The following CFAP58 variants were observed in gnomAD, a reference collection of about 807,000 sequenced individuals.
CFAP58 encodes cilia- and flagella-associated protein 58.
In CFAP58, 88 loss-of-function variants were observed where a neutral mutation model predicts 119.5. The observed-to-expected ratio is 0.74, with a 90% CI of 0.62 to 0.88. CFAP58 has a LOEUF of 0.88. Ranked by LOEUF, CFAP58 falls within the 40% of genes least tolerant of loss-of-function variation. The pLI, the probability that CFAP58 is intolerant of heterozygous loss-of-function variation, is 0.00. For synonymous variants in CFAP58, 365 were observed against 366.3 expected (o/e 1.00, Z 0.04); for missense variants, 990 against 1,021.2 (o/e 0.97, Z 0.42).
intron 11 of CFAP58, 46 bp downstream of exon 11, chr10:104,393,521 C>A: frequency 7.1e-6 from 11 of 1,557,446 alleles, no homozygotes; most frequent in Non-Finnish European, 9.6e-6. Context: ...TTCATCAGCC[C>A]GCTCAGGCGG....
chr10:104,421,075 A>G (rs1451379495), intron 15 of CFAP58, among the ~76,000 whole-genome samples: 2 of 152,130 alleles, frequency 1.3e-5, no homozygotes, highest in Non-Finnish European at 2.9e-5. Flanking sequence ...TTTTCATCTC[A>G]ATTTTAAGAT....
chr10:104,355,344 A>T (rs1038102492), intron 1 of CFAP58, among the ~76,000 whole-genome samples: 3 of 152,170 alleles, frequency 2.0e-5, no homozygotes, highest in Admixed American at 6.5e-5. Context: ...CCTATTCAGG[A>T]TATATTTGCA....
chr10:104,361,123 A>C (rs2014660614), intron 2 of CFAP58, among the ~76,000 whole-genome samples: 1 of 152,242 alleles, frequency 6.6e-6, no homozygotes, highest in Admixed American at 6.5e-5. Context: ...GGGCAGGGAC[A>C]TACATCCAAA....
intron 9 of CFAP58, among the ~76,000 whole-genome samples, chr10:104,385,305 G>A (rs2011900788): frequency 6.6e-6 from 1 of 152,150 alleles, no homozygotes; most frequent in Non-Finnish European, 1.5e-5. Context: ...ACTTATTGTT[G>A]TTGTAAAGGA....
chr10:104,419,887 A>T (rs1397335928), intron 15 of CFAP58, among the ~76,000 whole-genome samples: 1 of 152,230 alleles, frequency 6.6e-6, no homozygotes, highest in Non-Finnish European at 1.5e-5. Flanking sequence ...AGTTGGCAAG[A>T]CTATGATGGT....
chr10:104,379,786 G>A (rs141239980), intron 8 of CFAP58, among the ~76,000 whole-genome samples: 74 of 152,264 alleles, frequency 4.9e-4, no homozygotes, highest in African/African-American at 1.7e-3. Context: ...CCTCTAAAAT[G>A]GGGCAATATG....
chr10:104,422,071 C>T (rs181596387), intron 15 of CFAP58, among the ~76,000 whole-genome samples: 145 of 152,224 alleles, frequency 9.5e-4, no homozygotes, highest in African/African-American at 3.4e-3. Flanking sequence ...CCTGTAGTCC[C>T]AGCTACTTGG....
chr10:104,403,868 T>A, intron 14 of CFAP58, 28 bp downstream of exon 14: 1 of 1,418,378 alleles, frequency 7.1e-7, no homozygotes, highest in Non-Finnish European at 9.9e-7. Flanking sequence ...GTTCTCCCCA[T>A]CCCCAAATCT....
chr10:104,400,845 A>C lies in CFAP58; in HGVS notation c.1981A>C (p.Lys661Gln), dbSNP rs1342024736. ...DMRILRLEIK[K>Q]LRREKGILAR... is the part of the protein sequence containing the mutation. ...GAGAATCCTCAGACTTGAGATCAAG[A>C]AGCTTCGCCGGGAAAAGGGGATTCT... The change falls in exon 13 of 18, where the codon AAG becomes CAG. Residue 661 changes from lysine to glutamine, a missense_variant. Physicochemically the swap from Lys to Gln is moderately conservative, Grantham distance 53. Transcript: ENST00000369704. 1 of 1,614,072 alleles carries C rather than the reference A, an allele frequency of 6.2e-7. No homozygotes were observed. Among genetic ancestry groups the C allele is most frequent in the Admixed American group, 1.7e-5 (1 of 60,006 alleles).
At chr10:104,415,523 C>G (rs2012537403) in intron 15 of CFAP58, among the ~76,000 whole-genome samples, 1 of 152,164 alleles carries the variant, frequency 6.6e-6, no homozygotes, top group Admixed American at 6.5e-5. Context: ...GGCGGAAACG[C>G]TGACACCCAT....
intron 1 of CFAP58, among the ~76,000 whole-genome samples, chr10:104,357,850 CATATATACACATATAT>C (rs1427052211): frequency 6.6e-5 from 3 of 45,654 alleles, no homozygotes; most frequent in African/African-American, 1.8e-4. Flanking sequence ...CATATGTACA[CATATATACACATATAT>C]ACACATATAT....
chr10:104,407,823 A>G (rs1333555464), intron 15 of CFAP58, among the ~76,000 whole-genome samples: 1 of 152,090 alleles, frequency 6.6e-6, no homozygotes, highest in East Asian at 1.9e-4. Flanking sequence ...CAGCCTCCCA[A>G]GTAGCTGGGG....
intron 15 of CFAP58, among the ~76,000 whole-genome samples, chr10:104,419,300 T>G (rs2012615173): frequency 6.6e-6 from 1 of 152,084 alleles, no homozygotes; most frequent in Non-Finnish European, 1.5e-5. Flanking sequence ...AGTATGAACA[T>G]TCTCAGAGGG....
intron 5 of CFAP58, among the ~76,000 whole-genome samples, chr10:104,366,321 G>A (rs1386669521): frequency 1.3e-5 from 2 of 151,952 alleles, no homozygotes; most frequent in South Asian, 4.1e-4. Flanking sequence ...CCACTCAACC[G>A]CATCTTGGTC....
At chr10:104,347,338 A>G in the CFAP58 span, among the ~76,000 whole-genome samples, 2 of 152,076 alleles carry the variant, frequency 1.3e-5, no homozygotes, top group Admixed American at 1.3e-4. Flanking sequence ...CAAATGCTCA[A>G]CAAATGTTCT....
chr10:104,404,811 G>A (rs949264545), intron 14 of CFAP58, among the ~76,000 whole-genome samples: 6 of 152,176 alleles, frequency 3.9e-5, no homozygotes, highest in African/African-American at 7.2e-5. Context: ...CGGTTTCACC[G>A]TGGTCTCAAT....
upstream of CFAP58, chr10:104,353,466 G>C (rs1280756174): frequency 5.8e-6 from 1 of 172,110 alleles, no homozygotes; most frequent in East Asian, 1.6e-4. Context: ...TTCCTTCCAA[G>C]CGTTAGTCCT....
intron 13 of CFAP58, among the ~76,000 whole-genome samples, chr10:104,403,380 C>CTAGT (rs1486981539): frequency 2.0e-5 from 3 of 152,098 alleles, no homozygotes; most frequent in Non-Finnish European, 4.4e-5. Flanking sequence ...TATAAATTAC[C>CTAGT]CAGTCTTGGG....
chr10:104,393,842 C>T (rs920359907), intron 11 of CFAP58, among the ~76,000 whole-genome samples: 2 of 152,214 alleles, frequency 1.3e-5, no homozygotes, highest in Non-Finnish European at 2.9e-5. Context: ...CAACCAAGTA[C>T]AACCATTGTG....
Sources: allele counts gnomAD v4.1 joint callset (sites outside exome capture counted in the v4.1 genomes callset), GRCh38; gene constraint gnomAD v4.1.1; transcripts MANE v1.5; gene names NCBI Gene and HGNC (gene_info 2026-07-23, HGNC 2026-07-21).